The following MYO18A variants were observed in gnomAD, a reference collection of about 807,000 sequenced individuals.
MYO18A encodes unconventional myosin-XVIIIa.
In MYO18A, 78 loss-of-function variants were observed where a neutral mutation model predicts 235.8. That is an observed-to-expected ratio of 0.33 (90% CI 0.28 to 0.40). The LOEUF is 0.40. MYO18A is among the 10% of genes least tolerant of loss of function. MYO18A has a pLI of 1.00. For missense variants in MYO18A, 2,215 were observed against 2,699.3 expected, an observed-to-expected ratio of 0.82 and a Z score of 3.98; for synonymous variants, 977 against 1,077.8, an observed-to-expected ratio of 0.91 and a Z score of 1.83.
intron 2 of MYO18A, among the ~76,000 whole-genome samples, chr17:29,127,342 C>G (rs1598348915): frequency 6.6e-6 from 1 of 152,180 alleles, no homozygotes; most frequent in African/African-American, 2.4e-5. Context: ...ACAAAGATTA[C>G]TAATTTCCAA....
At chr17:29,170,841 C>T (rs2068386325) in intron 1 of MYO18A, among the ~76,000 whole-genome samples, 1 of 152,100 alleles carries the variant, frequency 6.6e-6, no homozygotes, top group African/African-American at 2.4e-5. Flanking sequence ...CATCAGAGTG[C>T]ATAAACAATG....
intron 1 of MYO18A, among the ~76,000 whole-genome samples, chr17:29,169,675 G>T (rs1350439570): frequency 6.6e-6 from 1 of 152,076 alleles, no homozygotes; most frequent in Non-Finnish European, 1.5e-5. Context: ...TAACTCCAGG[G>T]GCACTTGTGG....
At chr17:29,146,807 A>G (rs908400721) in intron 2 of MYO18A, among the ~76,000 whole-genome samples, 1 of 152,194 alleles carries the variant, frequency 6.6e-6, no homozygotes, top group African/African-American at 2.4e-5. Context: ...AGCCGGTTCT[A>G]CTGCTGGACT....
intron 7 of MYO18A, 117 bp from the exon 8 acceptor site, chr17:29,119,552 C>CTTTTTT: frequency 1.9e-6 from 1 of 513,148 alleles, no homozygotes; most frequent in Non-Finnish European, 3.2e-6. Context: ...CAAGCAGCTG[C>CTTTTTT]ATTTTTTTTT....
chr17:29,173,392 CT>C (rs759650091), intron 1 of MYO18A, among the ~76,000 whole-genome samples: 282 of 131,464 alleles, frequency 2.1e-3, no homozygotes, highest in Admixed American at 3.2e-3. Context: ...GCGCCCGGCC[CT>C]TTTTTTTTTT....
chr17:29,123,993 A>G (rs946415836), intron 2 of MYO18A, among the ~76,000 whole-genome samples: 13 of 151,994 alleles, frequency 8.6e-5, no homozygotes, highest in Non-Finnish European at 5.9e-5. Context: ...GCTTGCAGTG[A>G]GCCGAGATTG....
rs141323766 is a variant in MYO18A, at chr17:29,140,801, TAC to T, written c.1000-18550_1000-18549del. Among the ~76,000 whole-genome samples the T allele has an allele frequency of 4.9e-4, 74 of 150,562 alleles. 1 individual carries two copies. Among genetic ancestry groups the T allele is most frequent in the Non-Finnish European group, 5.8e-4 (39 of 67,420 alleles). ...GCGCACTCATGTGCATGTACACGTA[TAC>T]ACACACACACACACACACCAGCATG... is the stretch of plus-strand genomic sequence containing the variant. On this transcript the variant is annotated intron_variant, in intron 2 of 41. Coordinates refer to ENST00000527372, the MANE Select transcript of MYO18A (RefSeq NM_078471.4). This position sits in a 1 kb window ranked among gnomAD's most constrained non-coding sequence, Gnocchi z 4.2.
intron 15 of MYO18A, among the ~76,000 whole-genome samples, chr17:29,113,040 T>G (rs1171566950): frequency 6.6e-6 from 1 of 152,210 alleles, no homozygotes; most frequent in African/African-American, 2.4e-5. Context: ...TCTTCCCACA[T>G]GCTGTCTGAC....
rs2066940388 is a variant in MYO18A at position 29,111,976 on chromosome 17, C to CA, written c.2599-114dup. ...AATGCTACACATGTGCACACATGCACACACGCACATGCCGCAGCTCCTGCC... is the reference window on the plus strand; with the variant it reads ...AATGCTACACATGTGCACACATGCACAACACGCACATGCCGCAGCTCCTGCC... On this transcript the variant is annotated intron_variant, in intron 15 of 41. Coordinates refer to ENST00000527372, the MANE Select transcript of MYO18A (RefSeq NM_078471.4). This position sits in a 1 kb window ranked among gnomAD's most constrained non-coding sequence, Gnocchi z 5.1. 2 of 1,316,814 alleles carry CA rather than the reference C, an allele frequency of 1.5e-6. No individual in the cohort carries two copies. The highest frequency in any genetic ancestry group is 2.9e-5 in the African/African-American group (2 of 67,802). The allele number at this position is 1,316,814 out of a possible 1,614,324, so 81.6% of individuals were successfully genotyped here.
chr17:29,133,679 A>T, intron 2 of MYO18A: 1 of 689,732 alleles, frequency 1.4e-6, no homozygotes, highest in Non-Finnish European at 2.2e-6. Flanking sequence ...AATTATACAC[A>T]CATGCCCCAA....
chr17:29,116,842 G>T (rs895933333), intron 10 of MYO18A, among the ~76,000 whole-genome samples: 3 of 151,154 alleles, frequency 2.0e-5, no homozygotes, highest in African/African-American at 7.3e-5. Context: ...TTGGGGCTGG[G>T]TAGGTTAGAG....
intron 40 of MYO18A, among the ~76,000 whole-genome samples, chr17:29,084,235 G>C (rs762848915): frequency 6.6e-6 from 1 of 152,194 alleles, no homozygotes; most frequent in Non-Finnish European, 1.5e-5. Flanking sequence ...ATGCCTGGCA[G>C]TGGTTTAGAA....
At chr17:29,089,166 T>A (rs1355607682) in intron 37 of MYO18A, among the ~76,000 whole-genome samples, 1 of 150,632 alleles carries the variant, frequency 6.6e-6, no homozygotes, top group Non-Finnish European at 1.5e-5. Context: ...TATAAAATAT[T>A]TCATGCCTGT....
In MYO18A at chr17:29,097,344, T is replaced by C; in HGVS notation, c.4109A>G (p.Glu1370Gly). The change falls in exon 27 of 42, where the codon GAG (glutamate) becomes GGG (glycine). Residue 1370 changes from glutamate (E) to glycine (G), a missense_variant. Physicochemically the swap from Glu to Gly is moderately conservative, Grantham distance 98 (BLOSUM62 -2). Transcript: ENST00000527372. ...GEVDDDDAGG[E>G]WRLKYERAVR... ...AGCCCGCTCATACTTCAGCCGCCAC[T>C]CGCCACCTGTGGGGTTGAGGCAGAC... is the stretch of plus-strand genomic sequence containing the variant. 1 of 1,608,002 alleles carries C rather than the reference T, an allele frequency of 6.2e-7. No homozygotes were observed. Among genetic ancestry groups the C allele is most frequent in the Non-Finnish European group, 8.5e-7 (1 of 1,179,590 alleles).
intron 1 of MYO18A, chr17:29,176,745 CT>C: frequency 6.6e-6 from 1 of 152,292 alleles, no homozygotes; most frequent in Admixed American, 6.5e-5. Context: ...CGCCGGGTGA[CT>C]CCCTGCCAGG....
rs1004534093 is a variant in MYO18A at position 29,117,261 on chromosome 17, G to A, written c.2038+784C>T. Among the ~76,000 whole-genome samples the A allele has an allele frequency of 6.6e-6, 1 of 152,186 alleles. No individual in the cohort carries two copies. Among genetic ancestry groups the A allele is most frequent in the African/African-American group, 2.4e-5 (1 of 41,448 alleles). On this transcript the variant is annotated intron_variant, in intron 10 of 41. Transcript: ENST00000527372. The surrounding 1 kb of genome is among the most constrained non-coding windows in gnomAD (Gnocchi z 4.6). Reference sequence around the variant, plus strand: ...GCAGAGCTCCTCCAAGCCAGGCCAAGTCCCCGAGCGCAAGTGCCAAAGCTG... The same window carrying A: ...GCAGAGCTCCTCCAAGCCAGGCCAAATCCCCGAGCGCAAGTGCCAAAGCTG...
chr17:29,116,613 G>A (rs55886827), intron 10 of MYO18A, among the ~76,000 whole-genome samples, 158 bp from the exon 11 acceptor site: 20 of 144,928 alleles, frequency 1.4e-4, no homozygotes, highest in Admixed American at 5.5e-4. Context: ...TGGGACAAAC[G>A]CACACACACA....
chr17:29,178,157 G>C (rs909596359), intron 1 of MYO18A, among the ~76,000 whole-genome samples: 4 of 152,160 alleles, frequency 2.6e-5, no homozygotes, highest in Non-Finnish European at 5.9e-5. Flanking sequence ...GAACTGGCTG[G>C]CTACCCAGAC....
chr17:29,173,233 C>T (rs141177497), intron 1 of MYO18A, among the ~76,000 whole-genome samples: 51 of 151,930 alleles, frequency 3.4e-4, no homozygotes, highest in African/African-American at 1.2e-3. Context: ...GCTGGAATTA[C>T]AGGCATGCGC....
Sources: gnomAD v4.1 joint callset for allele counts (sites outside exome capture counted in the v4.1 genomes callset) on GRCh38, gnomAD v4.1.1 for gene constraint, Gnocchi (gnomAD v3.1) non-coding constraint, MANE v1.5 for transcripts, NCBI Gene and HGNC (gene_info 2026-07-23, HGNC 2026-07-21) for gene names.